MAPK14: variants seen among roughly 807,000 people sequenced by gnomAD.
The protein encoded by MAPK14 is CSAID-binding protein.
Under a neutral mutation model 49.6 loss-of-function variants are expected in MAPK14, and 16 were observed. The observed-to-expected ratio is 0.32, with a 90% CI of 0.22 to 0.49. MAPK14 has a LOEUF of 0.49. MAPK14 is among the 20% of genes least tolerant of loss of function. The probability of loss-of-function intolerance (pLI) is 0.99; values close to 1 mark genes in which losing one functional copy is unlikely to be tolerated. For missense variants in MAPK14, 200 were observed against 441.2 expected (o/e 0.45, Z 4.90); for synonymous variants, 142 against 158.0 (o/e 0.90, Z 0.76).
chr6:36,044,000 G>A (rs1303266317), intron 1 of MAPK14, among the ~76,000 whole-genome samples: 1 of 151,416 alleles, frequency 6.6e-6, no homozygotes, highest in East Asian at 1.9e-4. Context: ...AGTAGAGACG[G>A]GATTTCTCCA....
intron 1 of MAPK14, among the ~76,000 whole-genome samples, chr6:36,029,504 T>C (rs913564855): frequency 5.9e-5 from 9 of 152,228 alleles, no homozygotes; most frequent in Non-Finnish European, 1.5e-5. Flanking sequence ...AACTGTTAGC[T>C]TTTTCTGTGT....
chr6:36,107,265 C>G lies in MAPK14; in HGVS notation c.842-190C>G, dbSNP rs1422421799. Among the ~76,000 whole-genome samples the G allele has an allele frequency of 2.0e-5, 1 of 49,618 alleles. No homozygotes were observed. Among genetic ancestry groups the G allele is most frequent in the African/African-American group, 9.6e-5 (1 of 10,374 alleles). 32.6% of individuals were successfully genotyped at this position (49,618 alleles called of 152,430 possible). A position where few individuals can be genotyped will look rare whatever the true frequency, so the allele number is the denominator to read the frequency against. On this transcript the variant is annotated intron_variant, in intron 10 of 11. Coordinates refer to ENST00000229794, the MANE Select transcript of MAPK14 (RefSeq NM_139012.3). This position sits in a 1 kb window ranked among gnomAD's most constrained non-coding sequence, Gnocchi z 4.3. ...AAAAAATTTTAAAACATAGAAAATA[C>G]AGATACACACACACACACACACACA...
rs559948599 is a variant in MAPK14 at position 36,052,507 on chromosome 6, A to G, written c.117-192A>G. On this transcript the variant is annotated intron_variant, in intron 1 of 11. Coordinates refer to ENST00000229794, the MANE Select transcript of MAPK14 (RefSeq NM_139012.3). ...ATTTAGATACATAGAAAAGACAAGG[A>G]GAAAACACCAAAAATAATAACAGAA... Among the ~76,000 whole-genome samples, 12 of 152,366 alleles carry G rather than the reference A, an allele frequency of 7.9e-5. No individual in the cohort carries two copies. In the South Asian group the frequency reaches 2.1e-3, roughly 26 times the overall value.
chr6:36,051,119 T>A (rs920848696), intron 1 of MAPK14, among the ~76,000 whole-genome samples: 1 of 101,652 alleles, frequency 9.8e-6, no homozygotes, highest in Non-Finnish European at 2.1e-5. Flanking sequence ...GTTATTACTA[T>A]TTTTTTTTTT....
intron 10 of MAPK14, among the ~76,000 whole-genome samples, chr6:36,106,910 C>CCA (rs143692909): frequency 1.4e-5 from 2 of 143,168 alleles, no homozygotes; most frequent in Non-Finnish European, 3.1e-5. Flanking sequence ...CTTAGGGGGA[C>CCA]AAAAAAAAAA....
At chr6:36,117,900 C>G in the MAPK14 span, among the ~76,000 whole-genome samples, 2 of 152,228 alleles carry the variant, frequency 1.3e-5, no homozygotes, top group Non-Finnish European at 2.9e-5. Context: ...TAATCCCTTG[C>G]AGATCACCTT....
At chr6:36,078,318 T>C (rs1484673796) in intron 8 of MAPK14, among the ~76,000 whole-genome samples, 2 of 152,220 alleles carry the variant, frequency 1.3e-5, no homozygotes, top group African/African-American at 2.4e-5. Context: ...AGCCATCATG[T>C]TCAGTAATGG....
chr6:36,101,252 C>T (rs1413556838), intron 9 of MAPK14, among the ~76,000 whole-genome samples: 3 of 152,010 alleles, frequency 2.0e-5, no homozygotes, highest in South Asian at 2.1e-4. Context: ...CCATCCTGGG[C>T]AACACAGCAA....
intron 8 of MAPK14, among the ~76,000 whole-genome samples, chr6:36,079,160 C>G (rs1268279838): frequency 6.6e-6 from 1 of 152,182 alleles, no homozygotes; most frequent in Non-Finnish European, 1.5e-5. Context: ...TAGAAAACAT[C>G]TAGTTGAATC....
chr6:36,028,067 G>A lies in MAPK14; in HGVS notation c.-91G>A. On this transcript the variant is annotated 5_prime_UTR_variant, in exon 1 of 12. Transcript: ENST00000229794. The surrounding 1 kb of genome is among the most constrained non-coding windows in gnomAD (Gnocchi z 5.1). ...GCGACCAGCGCAAGGTCCCCGCCCG[G>A]CTGGGCGGGCAGCAAGGGCCGGGGA... 1 of 794,114 alleles carries A rather than the reference G, an allele frequency of 1.3e-6. No individual in the cohort carries two copies. The highest frequency in any genetic ancestry group is 1.8e-5 in the African/African-American group (1 of 55,454). The allele number at this position is 794,114 out of a possible 1,614,324, so 49.2% of individuals were successfully genotyped here.
downstream of MAPK14, among the ~76,000 whole-genome samples, chr6:36,115,663 T>G (rs1313869270): frequency 6.6e-6 from 1 of 152,020 alleles, no homozygotes; most frequent in Non-Finnish European, 1.5e-5. Flanking sequence ...CGCAGTGGCT[T>G]ACACCTGTAA....
intron 10 of MAPK14, among the ~76,000 whole-genome samples, chr6:36,106,932 A>G (rs941925568): frequency 6.6e-6 from 1 of 152,040 alleles, no homozygotes; most frequent in Non-Finnish European, 1.5e-5. Flanking sequence ...AGCCCTGCCT[A>G]CCTATTGTAG....
At chr6:36,114,612 C>CT (rs1263839700), downstream of MAPK14, among the ~76,000 whole-genome samples, 1 of 144,988 alleles carries the variant, frequency 6.9e-6, no homozygotes, top group Admixed American at 6.9e-5. Context: ...GAGTGGAACT[C>CT]TGTTTAAAAA....
chr6:36,087,913 G>A (rs569673476), intron 8 of MAPK14, among the ~76,000 whole-genome samples: 1 of 152,136 alleles, frequency 6.6e-6, no homozygotes, highest in Non-Finnish European at 1.5e-5. Flanking sequence ...AATCAAAACA[G>A]CATGGTACTA....
chr6:36,063,805 A>C (rs1284961000), intron 3 of MAPK14, among the ~76,000 whole-genome samples: 3 of 152,178 alleles, frequency 2.0e-5, no homozygotes, highest in African/African-American at 7.2e-5. Context: ...GTTGCTCTTG[A>C]CCACCATAGG....
intron 1 of MAPK14, among the ~76,000 whole-genome samples, chr6:36,043,189 G>T (rs966552652): frequency 4.6e-5 from 7 of 152,120 alleles, no homozygotes; most frequent in African/African-American, 1.7e-4. Flanking sequence ...TTACAGTGGT[G>T]AAATTGTTTT....
At chr6:36,037,948 T>C (rs1762814713) in intron 1 of MAPK14, among the ~76,000 whole-genome samples, 1 of 151,814 alleles carries the variant, frequency 6.6e-6, no homozygotes, top group Non-Finnish European at 1.5e-5. Context: ...GTTGAGGCTG[T>C]AGTGAGCTGT....
intron 8 of MAPK14, 162 bp downstream of exon 8, chr6:36,076,770 G>A (rs1296609596): frequency 6.4e-6 from 3 of 468,142 alleles, no homozygotes; most frequent in African/African-American, 4.0e-5. Flanking sequence ...AGCTTGCCTT[G>A]CCAAGAAAGA....
chr6:36,114,340 G>C (rs770112594), downstream of MAPK14, among the ~76,000 whole-genome samples: 1 of 151,626 alleles, frequency 6.6e-6, no homozygotes, highest in Non-Finnish European at 1.5e-5. Context: ...TTGGTGGCCG[G>C]GCACGGTGGC....
Sources: allele counts gnomAD v4.1 joint callset (sites outside exome capture counted in the v4.1 genomes callset), GRCh38; gene constraint gnomAD v4.1.1; non-coding constraint Gnocchi (gnomAD v3.1); transcripts MANE v1.5; gene names NCBI Gene and HGNC (gene_info 2026-07-23, HGNC 2026-07-21).